The following PARVB variants were observed in gnomAD, a reference collection of about 807,000 sequenced individuals.
The protein encoded by PARVB is beta-parvin.
In PARVB, 46 loss-of-function variants were observed where a neutral mutation model predicts 47.0. That is an observed-to-expected ratio of 0.98 (90% confidence interval 0.77 to 1.25). The LOEUF (loss-of-function observed/expected upper bound fraction) is 1.25. Among genes scored for constraint, PARVB ranks in the 50% most tolerant of loss-of-function variants. The pLI is 0.00. For missense variants in PARVB, 473 were observed against 471.6 expected, an observed-to-expected ratio of 1.00 and a Z score of -0.03; for synonymous variants, 196 against 196.3, an observed-to-expected ratio of 1.00 and a Z score of 0.01.
At chr22:44,024,588 A>T (rs2146877492) in intron 1 of PARVB, 137 bp downstream of exon 1, 1 of 309,086 alleles carries the variant, frequency 3.2e-6, no homozygotes, top group South Asian at 1.4e-4. Flanking sequence ...GACCTTCGGG[A>T]CAGGCCAGGC....
In PARVB at chr22:44,097,570, T is replaced by G. The variant is rs532174235; in HGVS notation, c.203-2483T>G. ...ATCTGGAGCAAGCGCCTGCTCTGAA[T>G]CAGGCCCCTGCCCCGTGAGACGCAG... On this transcript the variant is annotated intron_variant, in intron 2 of 12. Coordinates refer to ENST00000338758, the MANE Select transcript of PARVB (RefSeq NM_013327.5). Among the ~76,000 whole-genome samples, 8 of 152,316 alleles carry G rather than the reference T, an allele frequency of 5.3e-5. No homozygotes were observed. The East Asian group carries it at 1.5e-3, about 29-fold the overall frequency.
At chr22:44,161,376 C>G (rs139000041) in intron 11 of PARVB, among the ~76,000 whole-genome samples, 2,210 of 150,150 alleles carry the variant, frequency 0.015, 66 homozygotes, top group African/African-American at 0.052. Context: ...TGCAGTGGCA[C>G]GATCTCGGCT....
chr22:44,129,935 G>T (rs1313939518), intron 4 of PARVB, among the ~76,000 whole-genome samples: 4 of 152,196 alleles, frequency 2.6e-5, no homozygotes, highest in Non-Finnish European at 5.9e-5. Flanking sequence ...ACGCATGATC[G>T]AAGGGGTATT....
chr22:44,078,636 G>A (rs1236415613), intron 1 of PARVB, among the ~76,000 whole-genome samples: 1 of 152,202 alleles, frequency 6.6e-6, no homozygotes. Flanking sequence ...GAAGTCACAG[G>A]TTCCTGGGAC....
chr22:44,136,498 G>C lies in PARVB; in HGVS notation c.672G>C (p.Glu224Asp). The C allele has an allele frequency of 3.1e-6, 5 of 1,614,074 alleles. No individual in the cohort carries two copies. The highest frequency in any genetic ancestry group is 4.2e-6 in the Non-Finnish European group (5 of 1,179,972). Residue 224 changes from glutamate (E) to aspartate (D), a missense_variant, in exon 7 of 13, where the codon GAG becomes GAC. Glu to Asp is a conservative substitution (Grantham distance 45). Coordinates refer to ENST00000338758, the MANE Select transcript of PARVB (RefSeq NM_013327.5). ...EGLLHSSHIS[E>D]ELTTTTEMMM... ...TGCTGCATTCCAGCCACATCTCGGAGGAGCTGACCACAACTACAGAGTAAG... is the reference window on the plus strand; with the variant it reads ...TGCTGCATTCCAGCCACATCTCGGACGAGCTGACCACAACTACAGAGTAAG...
At chr22:44,007,214 G>C (rs2146848158) in intron 2 of PARVB, among the ~76,000 whole-genome samples, 1 of 152,024 alleles carries the variant, frequency 6.6e-6, no homozygotes, top group South Asian at 2.1e-4. Flanking sequence ...GGAAGAACAG[G>C]TCAGCAGGGG....
At chr22:44,013,911 G>A (rs532228987) in intron 2 of PARVB, among the ~76,000 whole-genome samples, 8 of 152,270 alleles carry the variant, frequency 5.3e-5, no homozygotes, top group East Asian at 3.9e-4. Flanking sequence ...GGGATTACAG[G>A]TGTAAGCCAC....
intron 6 of PARVB, 80 bp from the exon 7 acceptor site, chr22:44,136,380 G>T (rs992462436): frequency 1.6e-6 from 2 of 1,266,308 alleles, no homozygotes; most frequent in Non-Finnish European, 2.3e-6. Context: ...CTCCGGCCCC[G>T]CAGCTTCGTC....
At chr22:44,134,897 A>G (rs1280749948) in intron 6 of PARVB, among the ~76,000 whole-genome samples, 2 of 152,184 alleles carry the variant, frequency 1.3e-5, no homozygotes, top group Non-Finnish European at 2.9e-5. Context: ...CATGTCTACA[A>G]TCCTAGACCT....
upstream of PARVB, among the ~76,000 whole-genome samples, chr22:44,019,510 G>A (rs538344015): frequency 3.3e-5 from 5 of 152,252 alleles, no homozygotes; most frequent in East Asian, 5.8e-4. Flanking sequence ...ATGAGCCACC[G>A]TGCCCGGCTG....
chr22:44,010,551 C>G (rs1214090893), intron 2 of PARVB: 1 of 152,238 alleles, frequency 6.6e-6, no homozygotes, highest in Non-Finnish European at 1.5e-5. Context: ...TTTGGAAGTA[C>G]TGTGCTGATG....
intron 10 of PARVB, among the ~76,000 whole-genome samples, chr22:44,154,034 G>C (rs776638561): frequency 6.6e-6 from 1 of 152,198 alleles, no homozygotes; most frequent in Non-Finnish European, 1.5e-5. Context: ...CTGTGTGGGG[G>C]CCCCTGGTAC....
At chr22:44,015,052 T>C (rs1192388439) in intron 2 of PARVB, among the ~76,000 whole-genome samples, 2 of 152,060 alleles carry the variant, frequency 1.3e-5, no homozygotes, top group African/African-American at 4.8e-5. Flanking sequence ...GGTTTCACCA[T>C]GTTGGCCAGG....
intron 1 of PARVB, among the ~76,000 whole-genome samples, chr22:44,031,184 A>T: frequency 6.6e-6 from 1 of 152,206 alleles, no homozygotes; most frequent in Non-Finnish European, 1.5e-5. Context: ...CAGTGAGGTC[A>T]CTGCGACGCT....
intron 1 of PARVB, among the ~76,000 whole-genome samples, chr22:44,027,262 A>C (rs962742733): frequency 1.3e-5 from 2 of 152,184 alleles, no homozygotes; most frequent in East Asian, 1.9e-4. Flanking sequence ...AACAACACAC[A>C]GGGTTCCCCA....
rs1466266138 is a variant in PARVB at position 44,155,606 on chromosome 22, G to A, written c.844-2376G>A. Among the ~76,000 whole-genome samples, 3 of 152,198 alleles carry A rather than the reference G, an allele frequency of 2.0e-5. No homozygotes were observed. Among genetic ancestry groups the A allele is most frequent in the Admixed American group, 1.3e-4 (2 of 15,288 alleles). ...GGTGTGGGTTGGTGCCTTCATTCAC[G>A]TGGCAGCTTCCATTCCCTGGAAGTT... On this transcript the variant is annotated intron_variant, in intron 10 of 12. Coordinates refer to ENST00000338758, the MANE Select transcript of PARVB (RefSeq NM_013327.5). This position sits in a 1 kb window ranked among gnomAD's most constrained non-coding sequence, Gnocchi z 4.8.
chr22:44,079,435 T>G (rs558084253), intron 1 of PARVB, among the ~76,000 whole-genome samples: 116 of 152,216 alleles, frequency 7.6e-4, no homozygotes, highest in Non-Finnish European at 5.4e-4. Context: ...ACAGCAAGGT[T>G]TGTGGGACAC....
chr22:44,097,574 G>GC (rs887554369), intron 2 of PARVB, among the ~76,000 whole-genome samples: 21 of 152,318 alleles, frequency 1.4e-4, no homozygotes, highest in African/African-American at 4.3e-4. Flanking sequence ...TCTGAATCAG[G>GC]CCCCTGCCCC....
intron 11 of PARVB, chr22:44,162,855 C>T (rs551361362): frequency 6.6e-6 from 1 of 152,324 alleles, no homozygotes; most frequent in African/African-American, 2.4e-5. Context: ...GCTTCAGGTA[C>T]ATTTGGGGGC....
Sources: gnomAD v4.1 joint callset for allele counts (sites outside exome capture counted in the v4.1 genomes callset) on GRCh38, gnomAD v4.1.1 for gene constraint, Gnocchi (gnomAD v3.1) non-coding constraint, MANE v1.5 for transcripts, NCBI Gene and HGNC (gene_info 2026-07-23, HGNC 2026-07-21) for gene names.